NSD2: variants seen among roughly 807,000 people sequenced by gnomAD.
The protein encoded by NSD2 is nuclear receptor binding SET domain protein 2.
Under a neutral mutation model 139.0 loss-of-function variants are expected in NSD2, and 12 were observed. The ratio of observed to expected loss-of-function variants is 0.09; its 90% CI spans 0.06 to 0.14. The LOEUF is 0.14. Among genes scored for constraint, NSD2 ranks in the 10% least tolerant of loss-of-function variants. The pLI is 1.00. For missense variants in NSD2, 1,155 were observed against 1,745.0 expected (o/e 0.66, Z 6.02); for synonymous variants, 669 against 648.7 (o/e 1.03, Z -0.48).
intron 1 of NSD2, among the ~76,000 whole-genome samples, chr4:1,879,441 A>G (rs752867832): frequency 5.3e-5 from 8 of 152,150 alleles, no homozygotes; most frequent in South Asian, 2.1e-4. Flanking sequence ...GGATGGTCTC[A>G]ATCTCCTGAC....
intron 1 of NSD2, among the ~76,000 whole-genome samples, chr4:1,878,748 C>T (rs1041282389): frequency 2.6e-5 from 4 of 152,226 alleles, no homozygotes; most frequent in South Asian, 2.1e-4. Context: ...GGTGGAGGGC[C>T]ATGGGCTGGT....
At position 1,978,969 on chromosome 4, in the gene NSD2, G is replaced by A. The variant is rs1476680704; in HGVS notation, c.*60G>A. 6.9e-7 allele frequency: 1 copy of A among 1,442,454 alleles called. No individual in the cohort carries two copies. Among genetic ancestry groups the A allele is most frequent in the Non-Finnish European group, 9.1e-7 (1 of 1,096,358 alleles). The allele number at this position is 1,442,454 out of a possible 1,614,324, so 89.4% of individuals were successfully genotyped here. ...TGCAGGGCGGCCGGCCCTGCCTGCG[G>A]GAGAGGGCGAGCATGAACTGGCCCG... On this transcript the variant is annotated 3_prime_UTR_variant, in exon 22 of 22. Transcript: ENST00000508803.
At chr4:1,932,206 G>GT (rs1043952150) in intron 6 of NSD2, among the ~76,000 whole-genome samples, 4 of 152,100 alleles carry the variant, frequency 2.6e-5, no homozygotes, top group Admixed American at 1.3e-4. Context: ...GGAGGCCAAG[G>GT]TGGGTGGATC....
chr4:1,970,913 A>C (rs1726402670), intron 18 of NSD2, among the ~76,000 whole-genome samples: 1 of 152,250 alleles, frequency 6.6e-6, no homozygotes, highest in Non-Finnish European at 1.5e-5. Flanking sequence ...CCATAGAAAC[A>C]AGCAAGACAT....
intron 7 of NSD2, among the ~76,000 whole-genome samples, chr4:1,937,653 A>C (rs1722561847): frequency 6.6e-6 from 1 of 152,208 alleles, no homozygotes; most frequent in Admixed American, 6.5e-5. Context: ...TCCCAAGTGC[A>C]TTCTCCTGTC....
chr4:1,905,965 G>A (rs557675457), intron 3 of NSD2, among the ~76,000 whole-genome samples: 1 of 152,174 alleles, frequency 6.6e-6, no homozygotes, highest in Non-Finnish European at 1.5e-5. Context: ...TCAAGCCTCT[G>A]CAGCCCGGGT....
chr4:1,938,416 C>CT (rs746279426), intron 7 of NSD2, 35 bp from the exon 8 acceptor site: 14,805 of 323,624 alleles, frequency 0.046, 158 homozygotes, highest in African/African-American at 0.087. Flanking sequence ...TTTTTTCTTT[C>CT]TTTTTTTTTT....
In NSD2 at chr4:1,904,212, T is replaced by G; in HGVS notation, c.598-4T>G. On this transcript the variant is annotated splice_region_variant and splice_polypyrimidine_tract_variant and intron_variant, in intron 2 of 21. Coordinates refer to ENST00000508803, the MANE Select transcript of NSD2 (RefSeq NM_001042424.3). ...AGTGTTTGTCTTCTGTTGTTCATTT[T>G]CAGATTCCAGCTAAGAAAGAGTCTT... The G allele has an allele frequency of 3.1e-6, 5 of 1,612,396 alleles. No individual in the cohort carries two copies. The highest frequency in any genetic ancestry group is 4.2e-6 in the Non-Finnish European group (5 of 1,178,888).
intron 5 of NSD2, among the ~76,000 whole-genome samples, chr4:1,926,566 G>A (rs1300520743): frequency 6.6e-6 from 1 of 151,850 alleles, no homozygotes; most frequent in African/African-American, 2.4e-5. Context: ...CGCCTTCCGG[G>A]TTCAAGCGAT....
chr4:1,956,214 G>T lies in NSD2; in HGVS notation c.2881+26G>T. ...GTACGGAGATATTCAGATAGAGAGT[G>T]AGACAGCACTCTCGTGCATTTTCTT... On this transcript the variant is annotated intron_variant, in intron 15 of 21. Coordinates refer to ENST00000508803, the MANE Select transcript of NSD2 (RefSeq NM_001042424.3). The surrounding 1 kb of genome is among the most constrained non-coding windows in gnomAD (Gnocchi z 5.3). The T allele has an allele frequency of 6.5e-7, 1 of 1,548,596 alleles. No individual in the cohort carries two copies. Among genetic ancestry groups the T allele is most frequent in the African/African-American group, 1.4e-5 (1 of 72,470 alleles).
chr4:1,902,416 G>T (rs1233332625), intron 2 of NSD2, among the ~76,000 whole-genome samples: 1 of 151,956 alleles, frequency 6.6e-6, no homozygotes, highest in Admixed American at 6.6e-5. Flanking sequence ...GTAGGACAGG[G>T]TCTTGCTGTG....
chr4:1,978,004 G>A (rs895478057), intron 21 of NSD2, among the ~76,000 whole-genome samples: 1 of 151,762 alleles, frequency 6.6e-6, no homozygotes, highest in African/African-American at 2.4e-5. Context: ...GCGGGCGCCT[G>A]TAATCCTGGC....
chr4:1,952,074 G>C, intron 10 of NSD2, 34 bp from the exon 11 acceptor site: 1 of 1,608,364 alleles, frequency 6.2e-7, no homozygotes, highest in Non-Finnish European at 8.5e-7. Flanking sequence ...AGGGACTGCC[G>C]GGCGCTGCTT....
Position 1,955,303 on chromosome 4 carries a change from C to T in NSD2, c.2481C>T (p.Ala827=), listed in dbSNP as rs769283882. 3.1e-6 allele frequency: 5 copies of T among 1,613,716 alleles called. No individual in the cohort carries two copies. In the East Asian group the frequency reaches 1.1e-4, roughly 36 times the overall value. ...FTARKGKRHH[A]HVNVSWCFVC... Reference sequence around the variant, plus strand: ...CTCGGAAGGGGAAGCGACACCACGCCCACGTCAACGTGAGCTGGTGCTTCG... The same window carrying T: ...CTCGGAAGGGGAAGCGACACCACGCTCACGTCAACGTGAGCTGGTGCTTCG... The change falls in exon 13 of 22, where the codon GCC becomes GCT. Residue 827 remains alanine (A), a synonymous_variant. Coordinates refer to ENST00000508803, the MANE Select transcript of NSD2 (RefSeq NM_001042424.3). The surrounding 1 kb of genome is among the most constrained non-coding windows in gnomAD (Gnocchi z 4.7).
At chr4:1,917,067 G>C (rs1719486893) in intron 4 of NSD2, 30 bp downstream of exon 4, 1 of 1,534,150 alleles carries the variant, frequency 6.5e-7, no homozygotes, top group Non-Finnish European at 8.8e-7. Context: ...TCTACTTTTA[G>C]ACCAGAAATT....
At chr4:1,914,438 G>C (rs771445832) in intron 3 of NSD2, among the ~76,000 whole-genome samples, 3 of 152,028 alleles carry the variant, frequency 2.0e-5, no homozygotes, top group Admixed American at 6.6e-5. Context: ...TGATTCTCCC[G>C]CCTCAGCCTC....
chr4:1,976,277 T>G lies in NSD2; in HGVS notation c.3622-198T>G. The G allele has an allele frequency of 1.6e-6, 1 of 615,536 alleles. No individual in the cohort carries two copies. The highest frequency in any genetic ancestry group is 2.9e-6 in the Non-Finnish European group (1 of 349,366). The allele number at this position is 615,536 out of a possible 1,614,324, so 38.1% of individuals were successfully genotyped here. A position where few individuals can be genotyped will look rare whatever the true frequency, so the allele number is the denominator to read the frequency against. ...CAAAGCTCACTCTAGTCGTAGTCTT[T>G]GTTCAGCTTTTTCACGCTGAGTCGA... On this transcript the variant is annotated intron_variant, in intron 20 of 21. Transcript: ENST00000508803. The surrounding 1 kb of genome is among the most constrained non-coding windows in gnomAD (Gnocchi z 5.3).
At chr4:1,879,343 C>T (rs1475626998) in intron 1 of NSD2, among the ~76,000 whole-genome samples, 2 of 152,158 alleles carry the variant, frequency 1.3e-5, no homozygotes, top group African/African-American at 4.8e-5. Flanking sequence ...CTCAGCCTCC[C>T]AAGTAGCTGG....
At chr4:1,978,506 C>G (rs566589431) in intron 21 of NSD2, 132 bp from the exon 22 acceptor site, 1 of 1,310,686 alleles carries the variant, frequency 7.6e-7, no homozygotes, top group African/African-American at 1.5e-5. Context: ...TTTGTCTGCC[C>G]GTCCTGTTCG....
Sources: gnomAD v4.1 joint callset for allele counts (sites outside exome capture counted in the v4.1 genomes callset) on GRCh38, gnomAD v4.1.1 for gene constraint, Gnocchi (gnomAD v3.1) non-coding constraint, MANE v1.5 for transcripts, NCBI Gene and HGNC (gene_info 2026-07-23, HGNC 2026-07-21) for gene names.